The following AHI1 variants were observed in gnomAD, a reference collection of about 807,000 sequenced individuals.
AHI1 encodes the protein Abelson helper integration site 1.
AHI1 carries 123 observed loss-of-function variants against 149.3 expected under a neutral mutation model. That is an observed-to-expected ratio of 0.82 (90% CI 0.71 to 0.96). AHI1 has a LOEUF of 0.96. Ranked by LOEUF, AHI1 falls within the 40% of genes least tolerant of loss-of-function variation. The probability of loss-of-function intolerance (pLI) is 0.00; values close to 1 mark genes in which losing one functional copy is unlikely to be tolerated. For missense variants in AHI1, 1,439 were observed against 1,422.7 expected, an observed-to-expected ratio of 1.01 and a Z score of -0.18; for synonymous variants, 475 against 459.8, an observed-to-expected ratio of 1.03 and a Z score of -0.42.
chr6:135,290,760 C>T (rs994685382), intron 27 of AHI1, among the ~76,000 whole-genome samples: 17 of 151,984 alleles, frequency 1.1e-4, no homozygotes, highest in African/African-American at 4.1e-4. Context: ...TCCTTCTTAG[C>T]CATGATAAAG....
intron 23 of AHI1, among the ~76,000 whole-genome samples, chr6:135,384,986 G>A (rs1777371300): frequency 6.6e-6 from 1 of 152,096 alleles, no homozygotes; most frequent in Admixed American, 6.5e-5. Flanking sequence ...CTACTTGGGA[G>A]GCTGAGGCAG....
Position 135,457,650 on chromosome 6 carries a change from G to A in AHI1, c.995C>T (p.Pro332Leu), listed in dbSNP as rs773359044. The A allele has an allele frequency of 2.4e-5, 38 of 1,613,658 alleles. No individual in the cohort carries two copies. Among genetic ancestry groups the A allele is most frequent in the South Asian group, 1.3e-4 (12 of 91,068 alleles). ...GVHEITSRDS[P>L]VYPKCLLDDD... is the part of the protein sequence containing the mutation. ...ATCAAGCAAACATTTGGGATAAACC[G>A]GGCTATCTCGGCTTGTTATTTCATG... Residue 332 changes from proline (P) to leucine (L), a missense_variant, in exon 9 of 29, where the codon CCG becomes CTG. By Grantham distance (98) the Pro-to-Leu change is moderately conservative (BLOSUM62 -3). Coordinates refer to ENST00000265602, the MANE Select transcript of AHI1 (RefSeq NM_001134831.2).
intron 22 of AHI1, among the ~76,000 whole-genome samples, chr6:135,396,482 T>C (rs1779229293): frequency 1.3e-5 from 2 of 151,828 alleles, no homozygotes; most frequent in South Asian, 4.1e-4. Flanking sequence ...AGAAATAGAT[T>C]AAATAGAATA....
chr6:135,349,337 A>T (rs1034254174), intron 24 of AHI1, among the ~76,000 whole-genome samples: 15 of 152,168 alleles, frequency 9.9e-5, no homozygotes, highest in African/African-American at 3.4e-4. Context: ...AAAAAAGATT[A>T]CTGGGTGTTC....
intron 23 of AHI1, among the ~76,000 whole-genome samples, chr6:135,364,968 T>C (rs1424637279): frequency 6.6e-6 from 1 of 151,414 alleles, no homozygotes; most frequent in East Asian, 1.9e-4. Flanking sequence ...AGCGGGAGCG[T>C]CTTTCATCCA....
intron 26 of AHI1, chr6:135,302,637 A>G: frequency 8.7e-7 from 1 of 1,153,630 alleles, no homozygotes; most frequent in Non-Finnish European, 1.1e-6. Flanking sequence ...TCCACATTAC[A>G]AAGTTTACCA....
At chr6:135,482,909 T>TTTTTTTTTTTTTTTTTTTTTTTA (rs6149820) in intron 5 of AHI1, among the ~76,000 whole-genome samples, 1 of 141,774 alleles carries the variant, frequency 7.1e-6, no homozygotes, top group Admixed American at 7.2e-5. Flanking sequence ...TTTTTTTTTT[T>TTTTTTTTTTTTTTTTTTTTTTTA]GAGACAGAGT....
chr6:135,339,909 A>G (rs2128409920), intron 24 of AHI1, among the ~76,000 whole-genome samples: 1 of 152,334 alleles, frequency 6.6e-6, no homozygotes. Context: ...AAAAGCAACA[A>G]GAATAAAAAA....
chr6:135,427,383 G>T, intron 19 of AHI1, 76 bp from the exon 20 acceptor site: 2 of 1,277,494 alleles, frequency 1.6e-6, no homozygotes, highest in Non-Finnish European at 1.1e-6. Context: ...AGATTATTCT[G>T]CCATTTATTA....
intron 26 of AHI1, among the ~76,000 whole-genome samples, chr6:135,316,705 T>C (rs1786006384): frequency 2.6e-5 from 4 of 152,160 alleles, no homozygotes; most frequent in African/African-American, 7.2e-5. Flanking sequence ...TATGACATAC[T>C]TTCTGGGCTC....
chr6:135,388,830 G>A (rs1163803319), intron 23 of AHI1, among the ~76,000 whole-genome samples: 2 of 151,438 alleles, frequency 1.3e-5, no homozygotes, highest in Admixed American at 6.6e-5. Context: ...TGGTCAACAC[G>A]GTGAAACCCC....
At position 135,358,090 on chromosome 6, in the gene AHI1, C is replaced by G. The variant is rs7772864; in HGVS notation, c.3165+42G>C. Reference sequence around the variant, plus strand: ...TAACTATAACCAGTATAATTTTGTACTTTCTTAACACTTTTAACAACGTAG... The same window carrying G: ...TAACTATAACCAGTATAATTTTGTAGTTTCTTAACACTTTTAACAACGTAG... On this transcript the variant is annotated intron_variant, in intron 24 of 28. Coordinates refer to ENST00000265602, the MANE Select transcript of AHI1 (RefSeq NM_001134831.2). 0.011 allele frequency: 17,630 copies of G among 1,583,260 alleles called. 1,514 individuals are homozygous for G. In the African/African-American group the frequency reaches 0.2, roughly 18 times the overall value.
intron 23 of AHI1, chr6:135,387,890 C>G: frequency 1.9e-6 from 3 of 1,565,268 alleles, no homozygotes; most frequent in Non-Finnish European, 2.6e-6. Context: ...AGACATTTAT[C>G]CGAAGAGAGA....
intron 24 of AHI1, among the ~76,000 whole-genome samples, chr6:135,348,127 T>A (rs982325424): frequency 6.6e-6 from 1 of 152,116 alleles, no homozygotes; most frequent in Non-Finnish European, 1.5e-5. Context: ...GGATAGAGTA[T>A]CACAAGAAGA....
chr6:135,387,903 G>C, intron 23 of AHI1: 1 of 1,587,520 alleles, frequency 6.3e-7, no homozygotes, highest in South Asian at 1.2e-5. Flanking sequence ...AAGAGAGAAA[G>C]TGAACTACCT....
At chr6:135,363,559 T>C (rs1794274655) in intron 23 of AHI1, among the ~76,000 whole-genome samples, 1 of 152,132 alleles carries the variant, frequency 6.6e-6, no homozygotes, top group East Asian at 1.9e-4. Context: ...CAATGAGCTG[T>C]TGGGTACACC....
intron 26 of AHI1, chr6:135,300,842 T>C (rs1783783901): frequency 2.7e-6 from 3 of 1,099,006 alleles, no homozygotes; most frequent in Non-Finnish European, 3.3e-6. Flanking sequence ...AAATCAGTTG[T>C]GAATCAGTTT....
At chr6:135,440,632 C>T (rs1786139742) in intron 14 of AHI1, among the ~76,000 whole-genome samples, 1 of 151,956 alleles carries the variant, frequency 6.6e-6, no homozygotes, top group Non-Finnish European at 1.5e-5. Flanking sequence ...AGGTATACCC[C>T]AACACACACA....
At chr6:135,487,562 T>C (rs550325148) in intron 5 of AHI1, among the ~76,000 whole-genome samples, 1 of 152,316 alleles carries the variant, frequency 6.6e-6, no homozygotes, top group East Asian at 1.9e-4. Context: ...TACATAATAG[T>C]TGTACATATT....
Sources: gnomAD v4.1 joint callset for allele counts (sites outside exome capture counted in the v4.1 genomes callset) on GRCh38, gnomAD v4.1.1 for gene constraint, MANE v1.5 for transcripts, NCBI Gene and HGNC (gene_info 2026-07-23, HGNC 2026-07-21) for gene names.